TMEM266: variants seen among roughly 807,000 people sequenced by gnomAD.
TMEM266 encodes the protein Hv1 related protein 1.
TMEM266 carries 33 observed loss-of-function variants against 50.5 expected under a neutral mutation model. The ratio of observed to expected loss-of-function variants is 0.65; its 90% CI spans 0.50 to 0.87. The LOEUF is 0.87. Ranked by LOEUF, TMEM266 falls within the 40% of genes least tolerant of loss-of-function variation. The probability of loss-of-function intolerance (pLI) is 0.00; values close to 1 mark genes in which losing one functional copy is unlikely to be tolerated. For synonymous variants in TMEM266, 310 were observed against 292.3 expected (o/e 1.06, Z -0.62); for missense variants, 655 against 695.1 (o/e 0.94, Z 0.65).
chr15:76,130,384 A>T (rs984915076), intron 1 of TMEM266, among the ~76,000 whole-genome samples: 4 of 150,290 alleles, frequency 2.7e-5, no homozygotes, highest in African/African-American at 4.8e-5. Flanking sequence ...CTAATAATAT[A>T]AAAAAAATTA....
intron 7 of TMEM266, among the ~76,000 whole-genome samples, chr15:76,173,571 A>G (rs2038219765): frequency 1.3e-5 from 2 of 152,174 alleles, no homozygotes; most frequent in Admixed American, 1.3e-4. Flanking sequence ...TCAGTTATAA[A>G]TAGGATCATC....
intron 9 of TMEM266, among the ~76,000 whole-genome samples, chr15:76,201,932 T>G (rs988660089): frequency 3.9e-5 from 6 of 152,192 alleles, no homozygotes; most frequent in African/African-American, 1.2e-4. Context: ...ATGGGGAAAC[T>G]GGGGACAGAG....
At chr15:76,154,758 A>C (rs987521316) in intron 3 of TMEM266, among the ~76,000 whole-genome samples, 4 of 152,134 alleles carry the variant, frequency 2.6e-5, no homozygotes, top group African/African-American at 9.7e-5. Context: ...TCATTCCCAG[A>C]GGAGTTAGAA....
At chr15:76,089,093 CAAAAAAAAAA>C (rs1213055800) in intron 1 of TMEM266, among the ~76,000 whole-genome samples, 1 of 45,238 alleles carries the variant, frequency 2.2e-5, no homozygotes, top group East Asian at 7.5e-4. Flanking sequence ...GACTCTGTCT[CAAAAAAAAAA>C]AAAAAAAAAA....
Position 76,192,041 on chromosome 15 carries a change from T to G in TMEM266, c.842T>G (p.Leu281Arg), listed in dbSNP as rs1455067941. 1 of 1,555,838 alleles carries G rather than the reference T, an allele frequency of 6.4e-7. No individual in the cohort carries two copies. The highest frequency in any genetic ancestry group is 8.6e-7 in the Non-Finnish European group (1 of 1,157,616). Residue 281 changes from leucine to arginine, a missense_variant, in exon 9 of 11, where the codon CTC becomes CGC. Coordinates refer to ENST00000388942, the MANE Select transcript of TMEM266 (RefSeq NM_152335.3). The stretch of plus-strand genomic sequence containing the variant: ...CTGGCTGCCGAGCGCGAAGCGGCGC[T>G]CCAGGCCCCGCACGTGCTCAGCCAG...
intron 10 of TMEM266, among the ~76,000 whole-genome samples, chr15:76,202,561 G>C (rs1178262739): frequency 6.6e-6 from 1 of 152,184 alleles, no homozygotes. Flanking sequence ...AGAACTCCAA[G>C]TGACCTCAGT....
chr15:76,191,146 C>A (rs1357644319), intron 8 of TMEM266, among the ~76,000 whole-genome samples: 1 of 152,230 alleles, frequency 6.6e-6, no homozygotes, highest in East Asian at 1.9e-4. Flanking sequence ...TTTTACAAGG[C>A]CAGGTTGCTG....
At chr15:76,098,439 CT>C (rs2036952787) in intron 1 of TMEM266, among the ~76,000 whole-genome samples, 1 of 152,142 alleles carries the variant, frequency 6.6e-6, no homozygotes, top group African/African-American at 2.4e-5. Flanking sequence ...GCTGCCTGAT[CT>C]TTCCCCTGGA....
chr15:76,105,420 T>C (rs1408410359), intron 1 of TMEM266, among the ~76,000 whole-genome samples: 3 of 152,248 alleles, frequency 2.0e-5, no homozygotes, highest in Non-Finnish European at 4.4e-5. Flanking sequence ...TCTCGAATGC[T>C]AATCGTGTCA....
At chr15:76,095,526 T>C (rs1235952017) in intron 1 of TMEM266, among the ~76,000 whole-genome samples, 1 of 152,070 alleles carries the variant, frequency 6.6e-6, no homozygotes, top group East Asian at 1.9e-4. Context: ...CAGTATTTTA[T>C]TGAGGATTTT....
intron 1 of TMEM266, among the ~76,000 whole-genome samples, chr15:76,109,901 C>T (rs2037142167): frequency 6.6e-6 from 1 of 151,930 alleles, no homozygotes; most frequent in East Asian, 1.9e-4. Context: ...CTCAAGCGAT[C>T]TTCCTGCCTT....
chr15:76,196,213 C>T (rs1340416036), intron 9 of TMEM266, among the ~76,000 whole-genome samples: 8 of 152,178 alleles, frequency 5.3e-5, no homozygotes, highest in South Asian at 2.1e-4. Context: ...GATGCTTCTC[C>T]GTCCAGCCCT....
At chr15:76,127,977 T>C (rs2037450412) in intron 1 of TMEM266, among the ~76,000 whole-genome samples, 3 of 151,952 alleles carry the variant, frequency 2.0e-5, no homozygotes, top group Admixed American at 1.3e-4. Flanking sequence ...GCCCTTTAGG[T>C]GATTATTCTG....
intron 1 of TMEM266, among the ~76,000 whole-genome samples, chr15:76,069,515 G>A (rs2036502398): frequency 2.0e-5 from 3 of 152,268 alleles, no homozygotes; most frequent in Middle Eastern, 3.4e-3. Context: ...CTGGTGTTAA[G>A]CAACAGAAAC....
At chr15:76,082,954 G>A (rs993050229) in intron 1 of TMEM266, among the ~76,000 whole-genome samples, 11 of 150,852 alleles carry the variant, frequency 7.3e-5, no homozygotes, top group Non-Finnish European at 4.4e-5. Context: ...GGGCGACAGA[G>A]CAAGACTCTG....
chr15:76,069,332 G>A (rs748650641), intron 1 of TMEM266, among the ~76,000 whole-genome samples: 1 of 152,138 alleles, frequency 6.6e-6, no homozygotes, highest in Non-Finnish European at 1.5e-5. Context: ...AGGAGATAGG[G>A]CCTGGTTTGG....
chr15:76,168,065 A>T lies in TMEM266; in HGVS notation c.457-1751A>T, dbSNP rs545816285. On this transcript the variant is annotated intron_variant, in intron 5 of 10. Transcript: ENST00000388942. The surrounding 1 kb of genome is among the most constrained non-coding windows in gnomAD (Gnocchi z 4.4). ...ACCTCTCTGGCAGAAGGAGAAACTG[A>T]GGCCCAGGGACGGGATTTGACTTGC... is the stretch of plus-strand genomic sequence containing the variant. Among the ~76,000 whole-genome samples the T allele has an allele frequency of 1.3e-5, 2 of 152,334 alleles. No individual in the cohort carries two copies. Among genetic ancestry groups the T allele is most frequent in the East Asian group, 3.9e-4 (2 of 5,184 alleles).
chr15:76,122,081 T>A (rs961937294), intron 1 of TMEM266, among the ~76,000 whole-genome samples: 1 of 152,268 alleles, frequency 6.6e-6, no homozygotes, highest in Non-Finnish European at 1.5e-5. Context: ...CACAGCTGGG[T>A]GGCTCTTTTG....
intron 3 of TMEM266, among the ~76,000 whole-genome samples, chr15:76,140,948 G>T (rs1850607217): frequency 6.6e-6 from 1 of 152,060 alleles, no homozygotes; most frequent in African/African-American, 2.4e-5. Context: ...GAAGTGGGAG[G>T]ATCACTTGAG....
Sources: allele counts gnomAD v4.1 joint callset (sites outside exome capture counted in the v4.1 genomes callset), GRCh38; gene constraint gnomAD v4.1.1; non-coding constraint Gnocchi (gnomAD v3.1); transcripts MANE v1.5; gene names NCBI Gene and HGNC (gene_info 2026-07-23, HGNC 2026-07-21).